RIC1: variants seen among roughly 807,000 people sequenced by gnomAD.
The protein encoded by RIC1 is RIC1 partner of RAB6A GEF complex, also known as guanine nucleotide exchange factor subunit RIC1.
In RIC1, 88 loss-of-function variants were observed where a neutral mutation model predicts 169.0. The observed-to-expected ratio is 0.52, with a 90% confidence interval of 0.44 to 0.62. The LOEUF is 0.62. Ranked by LOEUF, RIC1 falls within the 20% of genes least tolerant of loss-of-function variation. The probability of loss-of-function intolerance (pLI) is 0.00; values close to 1 mark genes in which losing one functional copy is unlikely to be tolerated. For missense variants in RIC1, 1,877 were observed against 1,725.5 expected (o/e 1.09, Z -1.56); for synonymous variants, 790 against 601.5 (o/e 1.31, Z -4.59).
chr9:5,738,496 C>T lies in RIC1; in HGVS notation c.859C>T (p.Leu287=), dbSNP rs748223328. The change falls in exon 8 of 26, where the codon CTG becomes TTG. Residue 287 remains leucine, a synonymous_variant. Coordinates refer to ENST00000414202, the MANE Select transcript of RIC1 (RefSeq NM_020829.4). ...YTIDNSTGAM[L]LSHKLELTAK... ...AATAGATAACAGCACTGGAGCCATG[C>T]TGCTATCTCATAAATTAGAGCTAAC... 3.4e-5 allele frequency: 55 copies of T among 1,599,614 alleles called. No individual in the cohort carries two copies. Among genetic ancestry groups the T allele is most frequent in the Non-Finnish European group, 4.3e-5 (50 of 1,174,914 alleles).
At chr9:5,743,102 T>C in intron 9 of RIC1, 89 bp downstream of exon 9, 8 of 1,259,576 alleles carry the variant, frequency 6.4e-6, no homozygotes, top group Non-Finnish European at 8.9e-6. Context: ...GAACTTCCCT[T>C]TTTGCCTTGA....
intron 6 of RIC1, among the ~76,000 whole-genome samples, chr9:5,730,215 C>A (rs1824278674): frequency 6.6e-6 from 1 of 152,096 alleles, no homozygotes; most frequent in African/African-American, 2.4e-5. Context: ...TTCAGTAGGA[C>A]TAGATTATTA....
chr9:5,653,420 C>G (rs1201277291), intron 1 of RIC1, among the ~76,000 whole-genome samples: 3 of 152,144 alleles, frequency 2.0e-5, no homozygotes, highest in Non-Finnish European at 4.4e-5. Flanking sequence ...TCTTTTGCCT[C>G]TCTGTATCAA....
intron 4 of RIC1, 107 bp from the exon 5 acceptor site, chr9:5,720,075 T>C: frequency 1.3e-6 from 1 of 758,692 alleles, no homozygotes. Flanking sequence ...GTTTTGTAAA[T>C]GGTTTCATGA....
chr9:5,757,533 G>T (rs572634597), intron 17 of RIC1, 82 bp downstream of exon 17: 1 of 1,435,420 alleles, frequency 7.0e-7, no homozygotes, highest in South Asian at 1.2e-5. Context: ...TATTTGTTTG[G>T]CAAATAAATA....
At chr9:5,675,929 A>G (rs1459905515) in intron 2 of RIC1, among the ~76,000 whole-genome samples, 1 of 152,204 alleles carries the variant, frequency 6.6e-6, no homozygotes, top group Non-Finnish European at 1.5e-5. Context: ...AAAAATAACA[A>G]TGAGAAAATT....
At chr9:5,724,143 C>G (rs1441794898) in intron 6 of RIC1, among the ~76,000 whole-genome samples, 1 of 152,094 alleles carries the variant, frequency 6.6e-6, no homozygotes, top group African/African-American at 2.4e-5. Flanking sequence ...TATAAATGAC[C>G]TTGGGCAGTA....
At position 5,762,537 on chromosome 9, in the gene RIC1, T is replaced by C. The variant is rs1826411089; in HGVS notation, c.1993-4T>C. On this transcript the variant is annotated splice_region_variant and splice_polypyrimidine_tract_variant and intron_variant, in intron 17 of 25. Coordinates refer to ENST00000414202, the MANE Select transcript of RIC1 (RefSeq NM_020829.4). ...GAATTTAGCTGCTTTTTCTTAAATT[T>C]CAGGCTCGTGGTGCAGAGAGCATTA... The C allele has an allele frequency of 6.2e-7, 1 of 1,612,462 alleles. No individual in the cohort carries two copies. The highest frequency in any genetic ancestry group is 8.5e-7 in the Non-Finnish European group (1 of 1,179,528).
chr9:5,635,368 A>T (rs559342834), intron 1 of RIC1, among the ~76,000 whole-genome samples: 8 of 152,268 alleles, frequency 5.3e-5, no homozygotes, highest in African/African-American at 1.9e-4. Flanking sequence ...AGTGTAAGAT[A>T]AGGGTCCAGT....
intron 1 of RIC1, among the ~76,000 whole-genome samples, chr9:5,632,876 C>A (rs950714555): frequency 6.6e-6 from 1 of 152,086 alleles, no homozygotes. Context: ...TTGAATTTAG[C>A]CATTCTAAAT....
At chr9:5,728,218 T>C (rs1283859826) in intron 6 of RIC1, among the ~76,000 whole-genome samples, 2 of 152,228 alleles carry the variant, frequency 1.3e-5, no homozygotes, top group Non-Finnish European at 2.9e-5. Context: ...TGCCACTTTG[T>C]TTACCTATTC....
At chr9:5,738,834 G>A (rs1348320056) in intron 8 of RIC1, among the ~76,000 whole-genome samples, 1 of 151,874 alleles carries the variant, frequency 6.6e-6, no homozygotes, top group African/African-American at 2.4e-5. Flanking sequence ...TAATTAATTA[G>A]CCAATGCCCA....
intron 3 of RIC1, among the ~76,000 whole-genome samples, chr9:5,707,584 T>C (rs181446910): frequency 6.6e-6 from 1 of 152,264 alleles, no homozygotes; most frequent in East Asian, 1.9e-4. Flanking sequence ...AGGTGTGGTA[T>C]CTTCTTGCTA....
At chr9:5,744,543 C>G (rs1825269918) in intron 10 of RIC1, among the ~76,000 whole-genome samples, 1 of 152,106 alleles carries the variant, frequency 6.6e-6, no homozygotes, top group Non-Finnish European at 1.5e-5. Context: ...GGATGGGACT[C>G]AAGTCTAAAC....
chr9:5,633,553 T>A (rs1435903085), intron 1 of RIC1, among the ~76,000 whole-genome samples: 1 of 152,210 alleles, frequency 6.6e-6, no homozygotes, highest in East Asian at 1.9e-4. Flanking sequence ...ATTTTTCTGA[T>A]GAACTACTGC....
intron 3 of RIC1, among the ~76,000 whole-genome samples, chr9:5,692,331 C>G (rs1255744333): frequency 1.3e-5 from 2 of 152,034 alleles, no homozygotes; most frequent in East Asian, 3.8e-4. Context: ...GTAATCATCT[C>G]ATAAGATTAA....
At chr9:5,756,160 T>A in intron 15 of RIC1, 52 bp from the exon 16 acceptor site, 1 of 1,212,506 alleles carries the variant, frequency 8.2e-7, no homozygotes, top group Non-Finnish European at 1.1e-6. Context: ...TATTTGGTCA[T>A]CCCTAGTAGT....
At chr9:5,686,689 A>T (rs183258225) in intron 2 of RIC1, among the ~76,000 whole-genome samples, 131 of 151,776 alleles carry the variant, frequency 8.6e-4, no homozygotes, top group African/African-American at 3.0e-3. Context: ...ATGACGAGTT[A>T]GTGGGTGCAG....
intron 3 of RIC1, among the ~76,000 whole-genome samples, chr9:5,709,018 A>G (rs1822769180): frequency 6.6e-6 from 1 of 152,146 alleles, no homozygotes; most frequent in South Asian, 2.1e-4. Flanking sequence ...CAGGACAAAA[A>G]TCTAACAATT....
Sources: allele counts gnomAD v4.1 joint callset (sites outside exome capture counted in the v4.1 genomes callset), GRCh38; gene constraint gnomAD v4.1.1; transcripts MANE v1.5; gene names NCBI Gene and HGNC (gene_info 2026-07-23, HGNC 2026-07-21).